The following STK32B variants were observed in gnomAD, a reference collection of about 807,000 sequenced individuals.
The protein encoded by STK32B is serine/threonine-protein kinase 32B.
STK32B carries 43 observed loss-of-function variants against 52.6 expected under a neutral mutation model. The observed-to-expected ratio is 0.82, with a 90% CI of 0.64 to 1.05. The LOEUF (loss-of-function observed/expected upper bound fraction) is 1.05, where lower values mean the gene tolerates loss of function less well. STK32B is among the 50% of genes least tolerant of loss of function. STK32B has a pLI of 0.00. For missense variants in STK32B, 621 were observed against 534.6 expected (o/e 1.16, Z -1.59); for synonymous variants, 238 against 204.3 (o/e 1.17, Z -1.41).
intron 3 of STK32B, among the ~76,000 whole-genome samples, chr4:5,268,538 GGTGTGTGTGTGTGTGTGTGTGT>G (rs10593272): frequency 1.0e-3 from 145 of 140,194 alleles, no homozygotes; most frequent in African/African-American, 3.6e-3. Context: ...TGCTTGGTGT[GGTGTGTGTGTGTGTGTGTGTGT>G]GTGTGTGTGT....
intron 3 of STK32B, among the ~76,000 whole-genome samples, chr4:5,176,690 C>T (rs547668717): frequency 1.3e-5 from 2 of 152,192 alleles, no homozygotes; most frequent in South Asian, 4.2e-4. Context: ...GTGATCTGCC[C>T]ACCTCAGCCT....
At chr4:5,364,417 C>G (rs972984740) in intron 4 of STK32B, among the ~76,000 whole-genome samples, 14 of 152,240 alleles carry the variant, frequency 9.2e-5, no homozygotes, top group African/African-American at 3.1e-4. Context: ...CAAACATGCA[C>G]TCTTCAGTGG....
intron 6 of STK32B, chr4:5,436,785 A>G (rs1359150412): frequency 3.3e-6 from 2 of 614,158 alleles, no homozygotes; most frequent in South Asian, 7.2e-5. Context: ...CAGGGGTACT[A>G]CTGGGTGGTT....
rs766155307 is a variant in STK32B, at chr4:5,380,609, G to C, written c.435-17598G>C. Among the ~76,000 whole-genome samples the C allele has an allele frequency of 1.3e-5, 2 of 152,172 alleles. No individual in the cohort carries two copies. The highest frequency in any genetic ancestry group is 2.9e-5 in the Non-Finnish European group (2 of 68,036). Reference sequence around the variant, plus strand: ...AGCTGGGACTGAGTACCCATGACACGCAGATGCCTTTACCAGGGTGGCTGG... The same window carrying C: ...AGCTGGGACTGAGTACCCATGACACCCAGATGCCTTTACCAGGGTGGCTGG... On this transcript the variant is annotated intron_variant, in intron 4 of 11. Coordinates refer to ENST00000282908, the MANE Select transcript of STK32B (RefSeq NM_018401.3). This position sits in a 1 kb window ranked among gnomAD's most constrained non-coding sequence, Gnocchi z 4.3.
chr4:5,127,822 C>G (rs754514390), intron 1 of STK32B, among the ~76,000 whole-genome samples: 3 of 152,004 alleles, frequency 2.0e-5, no homozygotes, highest in Non-Finnish European at 4.4e-5. Flanking sequence ...GTAGGGACCT[C>G]GTGGGAGGTA....
At chr4:5,245,557 A>C (rs1320736461) in intron 3 of STK32B, among the ~76,000 whole-genome samples, 2 of 152,150 alleles carry the variant, frequency 1.3e-5, no homozygotes, top group Non-Finnish European at 2.9e-5. Flanking sequence ...TAATTGGAGC[A>C]TTTAGCCCAT....
At chr4:5,092,695 G>A (rs949680280) in intron 1 of STK32B, among the ~76,000 whole-genome samples, 1 of 152,028 alleles carries the variant, frequency 6.6e-6, no homozygotes, top group Non-Finnish European at 1.5e-5. Flanking sequence ...GGGATGGTTG[G>A]GGTGCTACAC....
In STK32B at chr4:5,146,045, C is replaced by T. The variant is rs191537713; in HGVS notation, c.108+6085C>T. ...TTTTTTGTGTGGTGTGAGGTAGGGT[C>T]AAGTTGTTTTTTTTTTTTTCCCTAG... is the stretch of plus-strand genomic sequence containing the variant. On this transcript the variant is annotated intron_variant, in intron 2 of 11. Transcript: ENST00000282908. Among the ~76,000 whole-genome samples, 740 of 137,380 alleles carry T rather than the reference C, an allele frequency of 5.4e-3. 10 individuals carry two copies. The highest frequency in any genetic ancestry group is 0.024 in the South Asian group (94 of 3,944). 90.1% of individuals were successfully genotyped at this position (137,380 alleles called of 152,430 possible).
intron 11 of STK32B, among the ~76,000 whole-genome samples, chr4:5,498,483 C>G (rs1036193673): frequency 6.6e-6 from 1 of 152,170 alleles, no homozygotes; most frequent in African/African-American, 2.4e-5. Context: ...AAGAATATGA[C>G]TGTTTGGCTT....
At chr4:5,099,019 T>C (rs938219402) in intron 1 of STK32B, among the ~76,000 whole-genome samples, 3 of 152,158 alleles carry the variant, frequency 2.0e-5, no homozygotes, top group African/African-American at 7.2e-5. Context: ...CTACAGTGTG[T>C]TTCACTAGGC....
At chr4:5,042,464 C>T in the STK32B span, among the ~76,000 whole-genome samples, 1 of 152,216 alleles carries the variant, frequency 6.6e-6, no homozygotes, top group Non-Finnish European at 1.5e-5. Context: ...GCCATTCTCT[C>T]TTGAGGAGAC....
At chr4:5,287,954 C>A (rs777916976) in intron 3 of STK32B, among the ~76,000 whole-genome samples, 4 of 152,162 alleles carry the variant, frequency 2.6e-5, no homozygotes, top group Non-Finnish European at 5.9e-5. Flanking sequence ...AAACCACTAA[C>A]CTACTGTTTG....
intron 4 of STK32B, among the ~76,000 whole-genome samples, chr4:5,341,455 A>T (rs1393526758): frequency 6.6e-6 from 1 of 152,194 alleles, no homozygotes; most frequent in Admixed American, 6.5e-5. Flanking sequence ...CCCTGACCAC[A>T]TTTTATCTAG....
chr4:5,442,492 G>A (rs1034887428), intron 6 of STK32B, among the ~76,000 whole-genome samples: 1 of 150,236 alleles, frequency 6.7e-6, no homozygotes, highest in Admixed American at 6.6e-5. Flanking sequence ...TTGAGCCTAT[G>A]TGTGTCTCTG....
chr4:5,342,064 A>T (rs1469619486), intron 4 of STK32B, among the ~76,000 whole-genome samples: 2 of 151,996 alleles, frequency 1.3e-5, no homozygotes, highest in Non-Finnish European at 2.9e-5. Flanking sequence ...GCTGGAGAGG[A>T]TGTGGAGATA....
At chr4:5,352,814 T>G (rs1266933747) in intron 4 of STK32B, among the ~76,000 whole-genome samples, 1 of 152,032 alleles carries the variant, frequency 6.6e-6, no homozygotes, top group African/African-American at 2.4e-5. Context: ...TAGCTAATAT[T>G]GTTAAAATGA....
chr4:5,029,821 G>A, the STK32B span, among the ~76,000 whole-genome samples: 1 of 152,132 alleles, frequency 6.6e-6, no homozygotes, highest in African/African-American at 2.4e-5. Flanking sequence ...TTGTGTTCCC[G>A]CCCAAATCTC....
chr4:5,372,720 T>TG (rs5855850), intron 4 of STK32B, among the ~76,000 whole-genome samples: 5,458 of 126,942 alleles, frequency 0.043, 136 homozygotes, highest in East Asian at 0.075. Context: ...AGGAGAAAGT[T>TG]GGGGGGGGGG....
intron 3 of STK32B, among the ~76,000 whole-genome samples, chr4:5,174,589 G>C (rs1013918966): frequency 5.9e-5 from 9 of 152,120 alleles, no homozygotes; most frequent in African/African-American, 1.9e-4. Flanking sequence ...ATGAAATTCT[G>C]GGTTGAAAAT....
Sources: allele counts gnomAD v4.1 joint callset (sites outside exome capture counted in the v4.1 genomes callset), GRCh38; gene constraint gnomAD v4.1.1; non-coding constraint Gnocchi (gnomAD v3.1); transcripts MANE v1.5; gene names NCBI Gene and HGNC (gene_info 2026-07-23, HGNC 2026-07-21).